Variants in LRP1B observed in about 807,000 individuals in gnomAD.
LRP1B encodes the protein low-density lipoprotein receptor-related protein 1B.
A neutral mutation model predicts 556.6 loss-of-function variants in LRP1B; 217 were observed. That is an observed-to-expected ratio of 0.39 (90% confidence interval 0.35 to 0.44). The LOEUF (loss-of-function observed/expected upper bound fraction) is 0.44, where lower values mean the gene tolerates loss of function less well. Ranked by LOEUF, LRP1B falls within the 20% of genes least tolerant of loss-of-function variation. The probability of loss-of-function intolerance (pLI) is 1.00; values close to 1 mark genes in which losing one functional copy is unlikely to be tolerated. For missense variants in LRP1B, 5,053 were observed against 5,620.8 expected (o/e 0.90, Z 3.23); for synonymous variants, 2,047 against 1,865.8 (o/e 1.10, Z -2.50).
chr2:141,104,450 C>T (rs753535072), intron 7 of LRP1B, among the ~76,000 whole-genome samples: 14 of 151,990 alleles, frequency 9.2e-5, no homozygotes, highest in Non-Finnish European at 1.9e-4. Context: ...AAGAAGATGA[C>T]CTAGCTCTGT....
At chr2:141,080,632 T>C (rs1308232950) in intron 7 of LRP1B, among the ~76,000 whole-genome samples, 1 of 152,184 alleles carries the variant, frequency 6.6e-6, no homozygotes, top group Non-Finnish European at 1.5e-5. Flanking sequence ...ACTGTACATG[T>C]CAGGCTTGGT....
intron 35 of LRP1B, among the ~76,000 whole-genome samples, chr2:140,766,780 C>T (rs567655751): frequency 1.4e-5 from 2 of 142,120 alleles, no homozygotes; most frequent in African/African-American, 2.7e-5. Flanking sequence ...CAAATCCTAG[C>T]TAATTAGAAA....
rs754063066 is a variant in LRP1B at position 141,480,541 on chromosome 2, G to C, written c.206-8C>G. 3.7e-6 allele frequency: 6 copies of C among 1,613,628 alleles called. No individual in the cohort carries two copies. In the South Asian group the frequency reaches 6.6e-5, roughly 18 times the overall value. On this transcript the variant is annotated splice_polypyrimidine_tract_variant and splice_region_variant and intron_variant, in intron 2 of 90. Coordinates refer to ENST00000389484, the MANE Select transcript of LRP1B (RefSeq NM_018557.3). ...TTTCTACCTCCTCGGGACCTGAAAA[G>C]ATGTAAAAAAGAACAGAATTATGTG...
chr2:140,835,093 C>T (rs1166781443), intron 31 of LRP1B, among the ~76,000 whole-genome samples: 2 of 152,090 alleles, frequency 1.3e-5, no homozygotes, highest in African/African-American at 2.4e-5. Context: ...ATATGCCACG[C>T]CAAAATATAC....
intron 2 of LRP1B, among the ~76,000 whole-genome samples, chr2:141,577,764 A>G (rs1281381750): frequency 6.6e-6 from 1 of 152,212 alleles, no homozygotes; most frequent in East Asian, 1.9e-4. Flanking sequence ...TGTGACTTCA[A>G]TAAATTCAGT....
intron 66 of LRP1B, among the ~76,000 whole-genome samples, chr2:140,438,914 T>C (rs541461572): frequency 1.8e-4 from 28 of 151,804 alleles, no homozygotes; most frequent in Admixed American, 5.3e-4. Context: ...GAGTGCAGAG[T>C]TGACCACTAG....
At chr2:141,577,645 A>G (rs143530540) in intron 2 of LRP1B, among the ~76,000 whole-genome samples, 3 of 152,292 alleles carry the variant, frequency 2.0e-5, no homozygotes, top group Admixed American at 6.5e-5. Flanking sequence ...ATAGGATTCT[A>G]TGATTCTTTT....
intron 66 of LRP1B, among the ~76,000 whole-genome samples, chr2:140,431,917 C>G (rs1010342096): frequency 6.6e-6 from 1 of 152,084 alleles, no homozygotes; most frequent in African/African-American, 2.4e-5. Flanking sequence ...CCATACCACC[C>G]CCAAAAATTT....
intron 60 of LRP1B, among the ~76,000 whole-genome samples, chr2:140,465,607 T>A (rs1687511780): frequency 6.6e-6 from 1 of 151,860 alleles, no homozygotes; most frequent in African/African-American, 2.4e-5. Context: ...TTTCGCACAC[T>A]CCACCCCTTG....
intron 3 of LRP1B, among the ~76,000 whole-genome samples, chr2:141,347,671 C>A (rs183948124): frequency 1.1e-3 from 172 of 151,978 alleles, no homozygotes; most frequent in Non-Finnish European, 8.2e-4. Context: ...ATTTACTTTT[C>A]AGACAGATCA....
intron 7 of LRP1B, among the ~76,000 whole-genome samples, chr2:141,071,523 G>A (rs1396633956): frequency 3.9e-5 from 6 of 152,244 alleles, no homozygotes; most frequent in Admixed American, 2.6e-4. Flanking sequence ...GCAGGAGAAG[G>A]AAATAAAGGG....
chr2:141,947,191 G>T (rs2105026422), intron 1 of LRP1B, among the ~76,000 whole-genome samples: 1 of 152,194 alleles, frequency 6.6e-6, no homozygotes, highest in Middle Eastern at 3.4e-3. Flanking sequence ...CAGCACTTTG[G>T]GAGGCTGAGG....
chr2:140,560,255 A>G (rs1335174031), intron 43 of LRP1B, among the ~76,000 whole-genome samples: 1 of 152,166 alleles, frequency 6.6e-6, no homozygotes, highest in African/African-American at 2.4e-5. Flanking sequence ...TCTAATATTA[A>G]CTCTCAACAA....
chr2:140,294,817 G>A (rs960996524), intron 84 of LRP1B, among the ~76,000 whole-genome samples: 1 of 152,148 alleles, frequency 6.6e-6, no homozygotes, highest in African/African-American at 2.4e-5. Flanking sequence ...GTGTTGTGAG[G>A]AGGGGAATGA....
intron 18 of LRP1B, among the ~76,000 whole-genome samples, chr2:140,973,058 A>T (rs903143228): frequency 3.5e-5 from 1 of 28,502 alleles, no homozygotes; most frequent in East Asian, 5.7e-4. Flanking sequence ...CATTTTATAT[A>T]TATATATATA....
At chr2:141,550,050 A>G (rs562830584) in intron 2 of LRP1B, among the ~76,000 whole-genome samples, 2 of 152,204 alleles carry the variant, frequency 1.3e-5, no homozygotes, top group Admixed American at 6.6e-5. Flanking sequence ...TAGAACTTAC[A>G]CAAAACAATC....
intron 2 of LRP1B, among the ~76,000 whole-genome samples, chr2:141,634,668 A>C (rs1689038610): frequency 6.6e-6 from 1 of 152,012 alleles, no homozygotes; most frequent in South Asian, 2.1e-4. Flanking sequence ...AAATGTAGTT[A>C]TCATATAACA....
At chr2:141,923,506 G>GGA (rs753020599) in intron 1 of LRP1B, among the ~76,000 whole-genome samples, 93 of 135,558 alleles carry the variant, frequency 6.9e-4, no homozygotes, top group African/African-American at 2.1e-3. Flanking sequence ...GGAGGGAGGG[G>GGA]GAGAGAGAGA....
intron 66 of LRP1B, among the ~76,000 whole-genome samples, chr2:140,437,160 C>T (rs963758289): frequency 3.3e-5 from 5 of 152,164 alleles, no homozygotes; most frequent in African/African-American, 9.7e-5. Context: ...GCCTGCACTT[C>T]ACAGTCAGAT....
Sources: allele counts gnomAD v4.1 joint callset (sites outside exome capture counted in the v4.1 genomes callset), GRCh38; gene constraint gnomAD v4.1.1; transcripts MANE v1.5; gene names NCBI Gene and HGNC (gene_info 2026-07-23, HGNC 2026-07-21).